Variants in KCNH7 observed in about 807,000 individuals in gnomAD.
KCNH7 encodes voltage-gated inwardly rectifying potassium channel KCNH7.
KCNH7 carries 49 observed loss-of-function variants against 120.8 expected under a neutral mutation model. The observed-to-expected ratio is 0.41, with a 90% CI of 0.32 to 0.51. The LOEUF is 0.51. KCNH7 is among the 20% of genes least tolerant of loss of function. The pLI is 0.38. For missense variants in KCNH7, 1,097 were observed against 1,446.6 expected (o/e 0.76, Z 3.92); for synonymous variants, 547 against 516.1 (o/e 1.06, Z -0.81).
rs141384276 is a variant in KCNH7 at position 162,593,206 on chromosome 2, C to A, written c.308-56126G>T. ...GGGCAGGCCTGTGGGCTGAATATGG[C>A]CCATGGGCCTTAATTTTCTGATCTC... is the stretch of plus-strand genomic sequence containing the variant. On this transcript the variant is annotated intron_variant, in intron 2 of 15. Transcript: ENST00000332142. Among the ~76,000 whole-genome samples, 9 of 152,100 alleles carry A rather than the reference C, an allele frequency of 5.9e-5. No homozygotes were observed. The East Asian group carries it at 1.7e-3, about 30-fold the overall frequency.
At chr2:162,483,636 T>C (rs1690001043) in intron 6 of KCNH7, among the ~76,000 whole-genome samples, 1 of 152,124 alleles carries the variant, frequency 6.6e-6, no homozygotes, top group Non-Finnish European at 1.5e-5. Flanking sequence ...ATCAGATTCT[T>C]TTTTGCTGGG....
chr2:162,435,769 T>G (rs1688214153), intron 7 of KCNH7, among the ~76,000 whole-genome samples, 172 bp from the exon 8 acceptor site: 1 of 152,064 alleles, frequency 6.6e-6, no homozygotes, highest in South Asian at 2.1e-4. Context: ...ATACCTGCTT[T>G]GGAAAATACT....
chr2:162,705,629 T>C (rs1686673198), intron 2 of KCNH7, among the ~76,000 whole-genome samples: 1 of 152,118 alleles, frequency 6.6e-6, no homozygotes, highest in Non-Finnish European at 1.5e-5. Context: ...ATAATGATAC[T>C]TATTATTATC....
At chr2:162,614,478 G>A (rs923709161) in intron 2 of KCNH7, among the ~76,000 whole-genome samples, 1 of 151,712 alleles carries the variant, frequency 6.6e-6, no homozygotes, top group Non-Finnish European at 1.5e-5. Context: ...CTAGCTAAAT[G>A]TCTCTCAGCC....
intron 2 of KCNH7, among the ~76,000 whole-genome samples, chr2:162,777,369 G>C (rs1017775222): frequency 1.4e-5 from 2 of 143,392 alleles, no homozygotes; most frequent in African/African-American, 5.6e-5. Context: ...GTATTGCTTA[G>C]GGAATGATGA....
At chr2:162,689,408 G>A (rs752271230) in intron 2 of KCNH7, among the ~76,000 whole-genome samples, 14 of 151,712 alleles carry the variant, frequency 9.2e-5, no homozygotes, top group Non-Finnish European at 1.8e-4. Context: ...TGCCTCGGCC[G>A]CCCAAAGTGC....
chr2:162,599,222 A>G (rs189609794), intron 2 of KCNH7, among the ~76,000 whole-genome samples: 1 of 151,992 alleles, frequency 6.6e-6, no homozygotes, highest in African/African-American at 2.4e-5. Context: ...AAATAAATAA[A>G]TAATAAAAAG....
At chr2:162,576,101 T>C (rs2105907705) in intron 2 of KCNH7, among the ~76,000 whole-genome samples, 1 of 152,186 alleles carries the variant, frequency 6.6e-6, no homozygotes, top group African/African-American at 2.4e-5. Flanking sequence ...ATCTAATCTT[T>C]GCATAAAGCA....
At chr2:162,550,497 C>T (rs1692632294) in intron 2 of KCNH7, among the ~76,000 whole-genome samples, 1 of 152,110 alleles carries the variant, frequency 6.6e-6, no homozygotes, top group African/African-American at 2.4e-5. Context: ...TTTCATCTTT[C>T]ACTGAGGTTT....
chr2:162,422,806 T>C (rs1157821854), intron 9 of KCNH7, among the ~76,000 whole-genome samples: 4 of 152,120 alleles, frequency 2.6e-5, no homozygotes, highest in African/African-American at 9.7e-5. Context: ...GCGTAGATTG[T>C]TTAAAATATA....
intron 2 of KCNH7, among the ~76,000 whole-genome samples, chr2:162,783,735 G>A (rs903873059): frequency 6.6e-6 from 1 of 152,116 alleles, no homozygotes; most frequent in Non-Finnish European, 1.5e-5. Context: ...CCTTTTAGCA[G>A]TATCCTCTAG....
intron 6 of KCNH7, among the ~76,000 whole-genome samples, chr2:162,458,064 T>C (rs1689027072): frequency 6.6e-6 from 1 of 151,986 alleles, no homozygotes; most frequent in South Asian, 2.1e-4. Flanking sequence ...ATTTAAATGA[T>C]TTTGCAAGGC....
At chr2:162,389,043 C>T (rs1686663692) in intron 12 of KCNH7, among the ~76,000 whole-genome samples, 2 of 151,956 alleles carry the variant, frequency 1.3e-5, no homozygotes, top group South Asian at 4.1e-4. Context: ...GAACCATCTG[C>T]GTCCAATCTT....
At chr2:162,562,738 G>A (rs1379266804) in intron 2 of KCNH7, among the ~76,000 whole-genome samples, 1 of 152,160 alleles carries the variant, frequency 6.6e-6, no homozygotes, top group African/African-American at 2.4e-5. Flanking sequence ...ATGGAATCTT[G>A]CAAACCAGCT....
chr2:162,665,077 T>A (rs1685089162), intron 2 of KCNH7, among the ~76,000 whole-genome samples: 1 of 152,084 alleles, frequency 6.6e-6, no homozygotes, highest in African/African-American at 2.4e-5. Context: ...GTACTTCTAT[T>A]CCTATAAAAG....
At chr2:162,523,129 G>A (rs185980396) in intron 3 of KCNH7, among the ~76,000 whole-genome samples, 11 of 151,782 alleles carry the variant, frequency 7.2e-5, no homozygotes, top group Admixed American at 1.3e-4. Flanking sequence ...AGCAGTTTCC[G>A]TGATTAATTT....
At chr2:162,764,449 A>T (rs188307846) in intron 2 of KCNH7, among the ~76,000 whole-genome samples, 1 of 152,290 alleles carries the variant, frequency 6.6e-6, no homozygotes, top group Admixed American at 6.5e-5. Context: ...AAATATTGTT[A>T]AAGATGGTCA....
intron 2 of KCNH7, among the ~76,000 whole-genome samples, chr2:162,749,152 C>G (rs945194313): frequency 1.3e-5 from 2 of 151,442 alleles, no homozygotes; most frequent in African/African-American, 4.9e-5. Context: ...CCCCTCCCCT[C>G]CCCTCCATTT....
intron 13 of KCNH7, among the ~76,000 whole-genome samples, chr2:162,383,621 T>C (rs1368755041): frequency 6.6e-6 from 1 of 152,116 alleles, no homozygotes; most frequent in East Asian, 1.9e-4. Context: ...ACTAATGTAC[T>C]AATTTTGCTA....
Sources: gnomAD v4.1 joint callset for allele counts (sites outside exome capture counted in the v4.1 genomes callset) on GRCh38, gnomAD v4.1.1 for gene constraint, MANE v1.5 for transcripts, NCBI Gene and HGNC (gene_info 2026-07-23, HGNC 2026-07-21) for gene names.